Variants in RNGTT observed in about 807,000 individuals in gnomAD.
RNGTT encodes the protein RNA guanylyltransferase and 5'-phosphatase, also known as mRNA-capping enzyme.
Under a neutral mutation model 79.3 loss-of-function variants are expected in RNGTT, and 33 were observed. The ratio of observed to expected loss-of-function variants is 0.42; its 90% confidence interval spans 0.32 to 0.56. RNGTT has a LOEUF of 0.56. Ranked by LOEUF, RNGTT falls within the 20% of genes least tolerant of loss-of-function variation. The pLI is 0.17. For missense variants in RNGTT, 497 were observed against 739.1 expected (o/e 0.67, Z 3.80); for synonymous variants, 222 against 235.9 (o/e 0.94, Z 0.54).
chr6:88,791,341 G>A (rs1242336810), intron 12 of RNGTT, among the ~76,000 whole-genome samples: 2 of 151,578 alleles, frequency 1.3e-5, no homozygotes, highest in Non-Finnish European at 2.9e-5. Flanking sequence ...GTCTCACTGT[G>A]CTGCCCAGGC....
At chr6:88,685,688 G>T (rs953008031) in intron 13 of RNGTT, among the ~76,000 whole-genome samples, 19 of 151,982 alleles carry the variant, frequency 1.3e-4, no homozygotes, top group African/African-American at 4.6e-4. Context: ...GAAACAGGAT[G>T]GGGGGAAAGA....
At chr6:88,795,261 C>G (rs576756964) in intron 12 of RNGTT, among the ~76,000 whole-genome samples, 11 of 152,264 alleles carry the variant, frequency 7.2e-5, no homozygotes, top group African/African-American at 2.4e-4. Context: ...ACAGGTGTAG[C>G]TTAAAAACAC....
chr6:88,613,984 CTGT>C (rs1188306196), intron 15 of RNGTT, among the ~76,000 whole-genome samples: 2 of 152,160 alleles, frequency 1.3e-5, no homozygotes, highest in Non-Finnish European at 2.9e-5. Context: ...ATCATGGTTT[CTGT>C]TGTTGTTGTT....
chr6:88,924,191 A>G (rs1209639104), intron 4 of RNGTT, among the ~76,000 whole-genome samples: 1 of 152,222 alleles, frequency 6.6e-6, no homozygotes. Flanking sequence ...CACCCCTCCC[A>G]GGTAATGCAG....
intron 4 of RNGTT, among the ~76,000 whole-genome samples, chr6:88,925,669 C>G (rs958914771): frequency 1.8e-4 from 28 of 151,566 alleles, no homozygotes; most frequent in Non-Finnish European, 4.4e-5. Flanking sequence ...GACAGCAGTT[C>G]TCAAATTTAA....
chr6:88,627,347 G>C (rs1189323816), intron 14 of RNGTT, among the ~76,000 whole-genome samples: 1 of 152,110 alleles, frequency 6.6e-6, no homozygotes, highest in Non-Finnish European at 1.5e-5. Flanking sequence ...TCAATGTATA[G>C]TTCAGATTAC....
chr6:88,707,791 G>A (rs989283450), intron 13 of RNGTT, among the ~76,000 whole-genome samples: 1 of 148,030 alleles, frequency 6.8e-6, no homozygotes, highest in African/African-American at 2.5e-5. Context: ...TCCTAATCTA[G>A]AGAGACTGAT....
At chr6:88,631,620 T>G (rs998290751) in intron 14 of RNGTT, among the ~76,000 whole-genome samples, 3 of 152,138 alleles carry the variant, frequency 2.0e-5, no homozygotes, top group Non-Finnish European at 4.4e-5. Flanking sequence ...GGAGCTGAGA[T>G]CTTGAGCAAC....
chr6:88,915,939 G>A (rs970268836), intron 4 of RNGTT, among the ~76,000 whole-genome samples: 1 of 152,042 alleles, frequency 6.6e-6, no homozygotes, highest in African/African-American at 2.4e-5. Flanking sequence ...AGATAACACA[G>A]TATTTTTTAA....
chr6:88,963,616 T>A lies in RNGTT; in HGVS notation c.-207A>T. Reference sequence around the variant, plus strand: ...TCCACAGCTCCAGGAGAACCCACAATGCACCGCAACTTCCGCCCCCGAAAG... The same window carrying A: ...TCCACAGCTCCAGGAGAACCCACAAAGCACCGCAACTTCCGCCCCCGAAAG... On this transcript the variant is annotated 5_prime_UTR_variant, in exon 1 of 16. Coordinates refer to ENST00000369485, the MANE Select transcript of RNGTT (RefSeq NM_003800.5). The A allele has an allele frequency of 2.2e-6, 1 of 461,012 alleles. No homozygotes were observed. Among genetic ancestry groups the A allele is most frequent in the South Asian group, 4.1e-5 (1 of 24,606 alleles). 28.6% of individuals were successfully genotyped at this position (461,012 alleles called of 1,614,324 possible).
At chr6:88,912,274 T>C (rs973212004) in intron 4 of RNGTT, among the ~76,000 whole-genome samples, 15 of 151,494 alleles carry the variant, frequency 9.9e-5, no homozygotes, top group African/African-American at 3.6e-4. Flanking sequence ...CAGCCAAGCA[T>C]GGTGGCATGC....
At chr6:88,959,011 T>C (rs766246186) in intron 1 of RNGTT, among the ~76,000 whole-genome samples, 7 of 152,316 alleles carry the variant, frequency 4.6e-5, no homozygotes, top group Non-Finnish European at 5.9e-5. Context: ...ATATATACCA[T>C]GGAATACTAC....
intron 13 of RNGTT, among the ~76,000 whole-genome samples, chr6:88,698,817 C>T (rs753497648): frequency 6.6e-5 from 10 of 152,038 alleles, no homozygotes; most frequent in Non-Finnish European, 1.0e-4. Flanking sequence ...GTTCAACCTC[C>T]GTAGCATGAC....
chr6:88,690,623 T>C (rs566690565), intron 13 of RNGTT, among the ~76,000 whole-genome samples: 1 of 152,150 alleles, frequency 6.6e-6, no homozygotes, highest in Non-Finnish European at 1.5e-5. Context: ...GGTGAGAGGA[T>C]TGCTTGATCC....
At chr6:88,882,034 T>C (rs1429638192) in intron 8 of RNGTT, among the ~76,000 whole-genome samples, 4 of 152,164 alleles carry the variant, frequency 2.6e-5, no homozygotes, top group Non-Finnish European at 4.4e-5. Flanking sequence ...TCAGTCACCA[T>C]TGCTTCCTCT....
chr6:88,929,129 G>A (rs1784407504), intron 3 of RNGTT, 35 bp downstream of exon 3: 1 of 1,575,456 alleles, frequency 6.3e-7, no homozygotes, highest in Non-Finnish European at 8.7e-7. Context: ...GTGATGAAAG[G>A]TTTCAATATT....
chr6:88,651,805 A>G (rs1460355912), intron 14 of RNGTT, among the ~76,000 whole-genome samples: 4 of 152,066 alleles, frequency 2.6e-5, no homozygotes, highest in Non-Finnish European at 5.9e-5. Context: ...TTTACTGGCT[A>G]ATAACACTTA....
intron 4 of RNGTT, among the ~76,000 whole-genome samples, chr6:88,912,436 T>C (rs1440317958): frequency 6.6e-6 from 1 of 151,604 alleles, no homozygotes; most frequent in Non-Finnish European, 1.5e-5. Flanking sequence ...GAAAAGAAGA[T>C]AGATCTCAAA....
At chr6:88,630,101 C>T (rs1359974765) in intron 14 of RNGTT, among the ~76,000 whole-genome samples, 1 of 152,188 alleles carries the variant, frequency 6.6e-6, no homozygotes, top group African/African-American at 2.4e-5. Context: ...GGGCCAGTAG[C>T]ACACTTGCTA....
Sources: allele counts gnomAD v4.1 joint callset (sites outside exome capture counted in the v4.1 genomes callset), GRCh38; gene constraint gnomAD v4.1.1; transcripts MANE v1.5; gene names NCBI Gene and HGNC (gene_info 2026-07-23, HGNC 2026-07-21).